JAKMIP2: variants seen among roughly 807,000 people sequenced by gnomAD.
The protein encoded by JAKMIP2 is janus kinase and microtubule-interacting protein 2.
Under a neutral mutation model 115.0 loss-of-function variants are expected in JAKMIP2, and 25 were observed. The ratio of observed to expected loss-of-function variants is 0.22; its 90% CI spans 0.16 to 0.30. The LOEUF (loss-of-function observed/expected upper bound fraction) is 0.30, where lower values mean the gene tolerates loss of function less well. Among genes scored for constraint, JAKMIP2 ranks in the 10% least tolerant of loss-of-function variants. The probability of loss-of-function intolerance (pLI) is 1.00; values close to 1 mark genes in which losing one functional copy is unlikely to be tolerated. For missense variants in JAKMIP2, 642 were observed against 957.6 expected (o/e 0.67, Z 4.35); for synonymous variants, 334 against 343.6 (o/e 0.97, Z 0.31).
At chr5:147,712,526 A>G (rs1281080760) in intron 1 of JAKMIP2, among the ~76,000 whole-genome samples, 1 of 152,232 alleles carries the variant, frequency 6.6e-6, no homozygotes, top group Non-Finnish European at 1.5e-5. Flanking sequence ...ATAGGAGCAA[A>G]TAGGCCAGGG....
chr5:147,633,937 G>C (rs1325728491), intron 12 of JAKMIP2, among the ~76,000 whole-genome samples: 1 of 152,016 alleles, frequency 6.6e-6, no homozygotes, highest in East Asian at 1.9e-4. Flanking sequence ...TGATCCACCC[G>C]CCTCGGCCTC....
At chr5:147,684,645 G>A (rs1052857894) in intron 1 of JAKMIP2, among the ~76,000 whole-genome samples, 3 of 152,070 alleles carry the variant, frequency 2.0e-5, no homozygotes, top group Non-Finnish European at 4.4e-5. Flanking sequence ...ATAAACTGGA[G>A]GCAAACTATG....
At chr5:147,764,025 A>T (rs1229794562) in intron 1 of JAKMIP2, among the ~76,000 whole-genome samples, 2 of 152,146 alleles carry the variant, frequency 1.3e-5, no homozygotes, top group East Asian at 3.9e-4. Flanking sequence ...TCTGTGAGTA[A>T]CCAGCTGCAT....
At chr5:147,766,981 G>A (rs916112641) in intron 1 of JAKMIP2, among the ~76,000 whole-genome samples, 7 of 152,016 alleles carry the variant, frequency 4.6e-5, no homozygotes, top group African/African-American at 1.7e-4. Context: ...CAATGAGATC[G>A]GCCAGTCAAT....
At chr5:147,631,957 C>A (rs1757378871) in intron 13 of JAKMIP2, among the ~76,000 whole-genome samples, 1 of 152,102 alleles carries the variant, frequency 6.6e-6, no homozygotes, top group Non-Finnish European at 1.5e-5. Context: ...TTTATCCAGA[C>A]CTAATTCAAA....
chr5:147,657,914 T>C (rs1359352066), intron 3 of JAKMIP2, among the ~76,000 whole-genome samples: 1 of 152,080 alleles, frequency 6.6e-6, no homozygotes. Context: ...TAACCTTTTA[T>C]CAAGGTTCTT....
At chr5:147,685,773 T>G (rs1760536570) in intron 1 of JAKMIP2, among the ~76,000 whole-genome samples, 2 of 152,220 alleles carry the variant, frequency 1.3e-5, no homozygotes, top group African/African-American at 4.8e-5. Context: ...TGTTTATATA[T>G]ATAAAGATAG....
intron 1 of JAKMIP2, among the ~76,000 whole-genome samples, chr5:147,697,932 A>C (rs1359074680): frequency 7.9e-5 from 12 of 152,202 alleles, no homozygotes; most frequent in African/African-American, 2.9e-4. Context: ...TGGAGCTGTG[A>C]GAAGAGGACC....
intron 1 of JAKMIP2, among the ~76,000 whole-genome samples, chr5:147,688,413 CAT>C (rs1288668350): frequency 2.6e-5 from 4 of 152,118 alleles, no homozygotes; most frequent in Admixed American, 1.3e-4. Flanking sequence ...AAAATGATCA[CAT>C]GAGATAGATA....
At chr5:147,769,214 C>T (rs1755260236) in intron 1 of JAKMIP2, among the ~76,000 whole-genome samples, 1 of 152,046 alleles carries the variant, frequency 6.6e-6, no homozygotes, top group South Asian at 2.1e-4. Context: ...CGGAGTTGTG[C>T]CCCTCTGGAA....
At chr5:147,593,596 A>T (rs1755205074) in intron 21 of JAKMIP2, among the ~76,000 whole-genome samples, 2 of 152,212 alleles carry the variant, frequency 1.3e-5, no homozygotes, top group Admixed American at 1.3e-4. Context: ...AAGAAATGAG[A>T]ATAAAACAGA....
chr5:147,675,783 A>AT (rs1245892919), intron 1 of JAKMIP2, among the ~76,000 whole-genome samples: 12,942 of 98,940 alleles, frequency 0.13, 892 homozygotes, highest in Non-Finnish European at 0.19. Context: ...ATCATATGAC[A>AT]TTTTTTTTTT....
rs111250738 is a variant in JAKMIP2 at position 147,635,927 on chromosome 5, A to G, written c.1677+295T>C. The stretch of plus-strand genomic sequence containing the variant: ...TGCACGTGTGTGTGTGCGTGTATGT[A>G]TATATATATGTACAGTATATATACA... On this transcript the variant is annotated intron_variant, in intron 12 of 21. Transcript: ENST00000616793. Among the ~76,000 whole-genome samples the G allele has an allele frequency of 3.3e-3, 499 of 152,210 alleles. 6 individuals carry two copies. The highest frequency in any genetic ancestry group is 0.012 in the African/African-American group (484 of 41,528).
At chr5:147,736,183 C>T (rs1354707703) in intron 1 of JAKMIP2, among the ~76,000 whole-genome samples, 1 of 152,018 alleles carries the variant, frequency 6.6e-6, no homozygotes, top group Non-Finnish European at 1.5e-5. Context: ...GGGCCGGGCA[C>T]AGTGGCTCAC....
intron 1 of JAKMIP2, among the ~76,000 whole-genome samples, chr5:147,748,640 C>CT (rs1754440178): frequency 6.6e-6 from 1 of 152,124 alleles, no homozygotes. Flanking sequence ...CTTTCCTTTT[C>CT]TTTGTCACCA....
intron 1 of JAKMIP2, among the ~76,000 whole-genome samples, chr5:147,733,271 C>T (rs1753799257): frequency 6.6e-6 from 1 of 152,154 alleles, no homozygotes; most frequent in Admixed American, 6.5e-5. Context: ...TGGACAATTT[C>T]AGTCCATGCT....
intron 1 of JAKMIP2, among the ~76,000 whole-genome samples, chr5:147,707,377 T>C (rs1191994171): frequency 6.6e-6 from 1 of 152,152 alleles, no homozygotes; most frequent in Non-Finnish European, 1.5e-5. Context: ...AAGCACCATA[T>C]CTGTTAAAAG....
At chr5:147,665,490 G>C (rs1327055424) in intron 2 of JAKMIP2, among the ~76,000 whole-genome samples, 2 of 152,184 alleles carry the variant, frequency 1.3e-5, no homozygotes, top group Non-Finnish European at 2.9e-5. Flanking sequence ...ACTTACACTA[G>C]GCATCTGGAA....
chr5:147,639,556 A>G, intron 10 of JAKMIP2, 76 bp downstream of exon 10: 1 of 1,492,138 alleles, frequency 6.7e-7, no homozygotes, highest in African/African-American at 1.4e-5. Flanking sequence ...TCTTATTGAT[A>G]TTTTTATGTC....
Sources: allele counts gnomAD v4.1 joint callset (sites outside exome capture counted in the v4.1 genomes callset), GRCh38; gene constraint gnomAD v4.1.1; transcripts MANE v1.5; gene names NCBI Gene and HGNC (gene_info 2026-07-23, HGNC 2026-07-21).